The following RIN2 variants were observed in gnomAD, a reference collection of about 807,000 sequenced individuals.
RIN2 encodes Ras and Rab interactor 2.
RIN2 carries 36 observed loss-of-function variants against 78.0 expected under a neutral mutation model. That is an observed-to-expected ratio of 0.46 (90% CI 0.35 to 0.61). The LOEUF is 0.61. RIN2 is among the 20% of genes least tolerant of loss of function. The probability of loss-of-function intolerance (pLI) is 0.00; values close to 1 mark genes in which losing one functional copy is unlikely to be tolerated. For missense variants in RIN2, 1,087 were observed against 1,159.7 expected (o/e 0.94, Z 0.91); for synonymous variants, 466 against 466.8 (o/e 1.00, Z 0.02).
chr20:20,001,740 G>C lies in RIN2; in HGVS notation c.*804G>C, dbSNP rs1246871062. ...TTGCTGTTTTGTTTTTTAAACAAAT[G>C]ATGCTGAGAATAAGGAGAGAAATGA... On this transcript the variant is annotated 3_prime_UTR_variant, in exon 13 of 13. Coordinates refer to ENST00000255006, the MANE Select transcript of RIN2 (RefSeq NM_018993.4). 1 of 152,600 alleles carries C rather than the reference G, an allele frequency of 6.6e-6. No homozygotes were observed. Among genetic ancestry groups the C allele is most frequent in the Non-Finnish European group, 1.5e-5 (1 of 68,034 alleles). The allele number at this position is 152,600 out of a possible 1,614,324, so 9.5% of individuals were successfully genotyped here.
chr20:19,820,775 T>A (rs7269280), intron 2 of RIN2, among the ~76,000 whole-genome samples: 4,816 of 152,226 alleles, frequency 0.032, 269 homozygotes, highest in African/African-American at 0.11. Flanking sequence ...ATGCGATAGG[T>A]CTGGACTGGA....
intron 12 of RIN2, among the ~76,000 whole-genome samples, chr20:19,997,181 G>A (rs550787663): frequency 3.3e-5 from 5 of 152,322 alleles, no homozygotes; most frequent in South Asian, 2.1e-4. Context: ...TGTGTTACGC[G>A]ATGCAATTGG....
chr20:19,776,425 T>TA (rs2034312367), intron 1 of RIN2, among the ~76,000 whole-genome samples: 1 of 152,148 alleles, frequency 6.6e-6, no homozygotes, highest in Non-Finnish European at 1.5e-5. Context: ...TGCAACCAAT[T>TA]GCCAATCAGA....
intron 6 of RIN2, among the ~76,000 whole-genome samples, chr20:19,962,979 A>AT (rs541959350): frequency 3.7e-4 from 57 of 152,288 alleles, no homozygotes; most frequent in Admixed American, 8.5e-4. Context: ...ATATTCAGAT[A>AT]TTTTGTCATA....
intron 2 of RIN2, among the ~76,000 whole-genome samples, chr20:19,884,115 G>A (rs1248458083): frequency 6.7e-6 from 1 of 149,920 alleles, no homozygotes; most frequent in East Asian, 2.1e-4. Flanking sequence ...TGGCCAACAA[G>A]AGTTTTTAAA....
In RIN2 at chr20:19,975,030, A is replaced by G; in HGVS notation, c.1005A>G (p.Pro335=). 1.3e-6 allele frequency: 2 copies of G among 1,563,950 alleles called. No homozygotes were observed. Among genetic ancestry groups the G allele is most frequent in the South Asian group, 1.1e-5 (1 of 90,130 alleles). Residue 335 remains proline, a synonymous_variant, in exon 9 of 13, where the codon CCA becomes CCG. Transcript: ENST00000255006. This position sits in a 1 kb window ranked among gnomAD's most constrained non-coding sequence, Gnocchi z 4.9. ...LARTETQTSM[P]ETVNHNKHGN... The stretch of plus-strand genomic sequence containing the variant: ...GGACTGAAACCCAGACGAGCATGCC[A>G]GAAACAGTCAACCATAACAAACATG...
intron 11 of RIN2, among the ~76,000 whole-genome samples, chr20:19,994,747 A>G (rs570027828): frequency 6.6e-6 from 1 of 152,262 alleles, no homozygotes; most frequent in East Asian, 1.9e-4. Flanking sequence ...TTCTCCATGT[A>G]GCATCTGTAT....
chr20:19,823,984 G>A (rs2036006425), intron 2 of RIN2: 9 of 1,286,028 alleles, frequency 7.0e-6, no homozygotes, highest in South Asian at 1.3e-5. Flanking sequence ...GATTCAGGAC[G>A]ACCGAAGAAA....
chr20:19,890,679 C>CAAAAAAAAAAAAAA lies in RIN2; in HGVS notation c.57+1032_57+1045dup, dbSNP rs534202183. 4.2e-4 allele frequency among the ~76,000 whole-genome samples: 27 copies of CAAAAAAAAAAAAAA among 64,456 alleles called. 3 individuals are homozygous for CAAAAAAAAAAAAAA. The highest frequency in any genetic ancestry group is 1.2e-3 in the African/African-American group (21 of 17,452). 42.3% of individuals were successfully genotyped at this position (64,456 alleles called of 152,430 possible). ...TATATTGTGTCAACTGTTGACTCTA[C>CAAAAAAAAAAAAAA]AAAAAAAAAAAAAAAAAAAAAAAAC... On this transcript the variant is annotated intron_variant, in intron 3 of 12. Coordinates refer to ENST00000255006, the MANE Select transcript of RIN2 (RefSeq NM_018993.4).
At chr20:19,872,968 TG>T (rs1411338478) in intron 2 of RIN2, among the ~76,000 whole-genome samples, 3 of 152,148 alleles carry the variant, frequency 2.0e-5, no homozygotes, top group African/African-American at 7.2e-5. Context: ...ATTAATTAAA[TG>T]TTTTAAAAAC....
At chr20:19,968,587 T>G (rs1405632670) in intron 7 of RIN2, among the ~76,000 whole-genome samples, 3 of 152,064 alleles carry the variant, frequency 2.0e-5, no homozygotes, top group Non-Finnish European at 1.5e-5. Context: ...CCTGAAACCA[T>G]CCATTAACCA....
At chr20:19,922,694 A>C (rs1217536290) in intron 3 of RIN2, among the ~76,000 whole-genome samples, 1 of 152,076 alleles carries the variant, frequency 6.6e-6, no homozygotes. Context: ...CTCAGACCCC[A>C]TGTCCCTGTG....
intron 2 of RIN2, among the ~76,000 whole-genome samples, chr20:19,880,680 C>CT (rs1421328227): frequency 6.6e-6 from 1 of 152,108 alleles, no homozygotes; most frequent in Non-Finnish European, 1.5e-5. Flanking sequence ...GAAAGTCATT[C>CT]TTTAAAAACC....
At chr20:19,804,939 G>T (rs2122742078) in intron 2 of RIN2, among the ~76,000 whole-genome samples, 1 of 152,208 alleles carries the variant, frequency 6.6e-6, no homozygotes, top group East Asian at 1.9e-4. Context: ...TCTATTCAGG[G>T]ATTCAACTTC....
At chr20:19,897,264 G>GC (rs1015552366) in intron 3 of RIN2, among the ~76,000 whole-genome samples, 2 of 152,000 alleles carry the variant, frequency 1.3e-5, no homozygotes, top group Non-Finnish European at 2.9e-5. Flanking sequence ...CCGCCACCAT[G>GC]CCCAGCTAAC....
intron 2 of RIN2, chr20:19,886,586 A>C: frequency 1.3e-6 from 1 of 768,778 alleles, no homozygotes; most frequent in Non-Finnish European, 2.1e-6. Flanking sequence ...TAGTCCTATG[A>C]GGGCTGCCTT....
intron 9 of RIN2, among the ~76,000 whole-genome samples, chr20:19,988,919 A>G (rs113969419): frequency 2.8e-4 from 42 of 149,876 alleles, no homozygotes; most frequent in East Asian, 9.7e-4. Context: ...ACACACACAC[A>G]CGCGTGCACA....
intron 1 of RIN2, among the ~76,000 whole-genome samples, chr20:19,774,578 A>G (rs1211101475): frequency 6.6e-6 from 1 of 152,188 alleles, no homozygotes; most frequent in Non-Finnish European, 1.5e-5. Flanking sequence ...AATTATTCGT[A>G]TTCTAGAAAA....
intron 2 of RIN2, among the ~76,000 whole-genome samples, chr20:19,824,594 A>G (rs1394732113): frequency 3.9e-5 from 6 of 152,040 alleles, no homozygotes; most frequent in Non-Finnish European, 8.8e-5. Context: ...GGGCTTCCAG[A>G]ATAGAATGAA....
Sources: allele counts gnomAD v4.1 joint callset (sites outside exome capture counted in the v4.1 genomes callset), GRCh38; gene constraint gnomAD v4.1.1; non-coding constraint Gnocchi (gnomAD v3.1); transcripts MANE v1.5; gene names NCBI Gene and HGNC (gene_info 2026-07-23, HGNC 2026-07-21).